Variants in PTPN22 observed in about 807,000 individuals in gnomAD.
PTPN22 encodes the protein tyrosine-protein phosphatase non-receptor type 22.
In PTPN22, 85 loss-of-function variants were observed where a neutral mutation model predicts 103.3. That is an observed-to-expected ratio of 0.82 (90% CI 0.69 to 0.99). The LOEUF is 0.99. PTPN22 is among the 50% of genes least tolerant of loss of function. The probability of loss-of-function intolerance (pLI) is 0.00; values close to 1 mark genes in which losing one functional copy is unlikely to be tolerated. For synonymous variants in PTPN22, 323 were observed against 310.2 expected (o/e 1.04, Z -0.43); for missense variants, 865 against 936.9 (o/e 0.92, Z 1.00).
At chr1:113,862,040 G>A (rs1305492186) in intron 1 of PTPN22, among the ~76,000 whole-genome samples, 1 of 152,000 alleles carries the variant, frequency 6.6e-6, no homozygotes, top group African/African-American at 2.4e-5. Context: ...CAGCACTTTG[G>A]GATGCCGAGG....
At chr1:113,856,223 G>A (rs1665054469) in intron 7 of PTPN22, among the ~76,000 whole-genome samples, 159 bp downstream of exon 7, 1 of 151,988 alleles carries the variant, frequency 6.6e-6, no homozygotes, top group Non-Finnish European at 1.5e-5. Context: ...TTGCCATGTC[G>A]GCCAGGCTCA....
rs997288495 is a variant in PTPN22, at chr1:113,834,780, T to C, written c.1894+130A>G. On this transcript the variant is annotated intron_variant, in intron 14 of 20. Coordinates refer to ENST00000359785, the Ensembl canonical transcript of PTPN22. Reference sequence around the variant, plus strand: ...CTCACTATGTTGCGCAGGCTAGTCTTGAACTCCTGGCCTCAATGAACTCCT... The same window carrying C: ...CTCACTATGTTGCGCAGGCTAGTCTCGAACTCCTGGCCTCAATGAACTCCT... The C allele has an allele frequency of 2.1e-5, 17 of 820,182 alleles. No homozygotes were observed. The African/African-American group carries it at 3.0e-4, about 15-fold the overall frequency. The allele number at this position is 820,182 out of a possible 1,614,324, so 50.8% of individuals were successfully genotyped here. A position where few individuals can be genotyped will look rare whatever the true frequency, so the allele number is the denominator to read the frequency against.
chr1:113,850,158 T>C lies in PTPN22; in HGVS notation c.829-1532A>G, dbSNP rs187671888. ...GTTGCAGTGAGCCAAGATCGCACCA[T>C]TGCACTCCAGCCTGAGTGACAGTGT... On this transcript the variant is annotated intron_variant, in intron 10 of 20. Transcript: ENST00000359785. Among the ~76,000 whole-genome samples, 17 of 140,588 alleles carry C rather than the reference T, an allele frequency of 1.2e-4. No individual in the cohort carries two copies. In the East Asian group the frequency reaches 3.3e-3, roughly 28 times the overall value. 92.2% of individuals were successfully genotyped at this position (140,588 alleles called of 152,430 possible).
chr1:113,858,378 T>C (rs1665259467), intron 4 of PTPN22, 100 bp downstream of exon 4: 2 of 779,244 alleles, frequency 2.6e-6, no homozygotes, highest in Admixed American at 2.9e-5. Flanking sequence ...TGATTCTGAC[T>C]AAAAGATGCC....
intron 4 of PTPN22, 99 bp downstream of exon 4, chr1:113,858,378 TA>T: frequency 1.3e-6 from 1 of 779,242 alleles, no homozygotes; most frequent in East Asian, 2.9e-5. Context: ...TGATTCTGAC[TA>T]AAAGATGCCT....
chr1:113,820,362 G>A (rs1661485776), intron 19 of PTPN22, among the ~76,000 whole-genome samples: 1 of 152,052 alleles, frequency 6.6e-6, no homozygotes, highest in South Asian at 2.1e-4. Context: ...GGAGGCTGAG[G>A]CACAAAAATT....
exon 1 of PTPN22, chr1:113,871,655 G>C (rs1034635533): frequency 6.3e-7 from 1 of 1,592,374 alleles, no homozygotes; most frequent in Non-Finnish European, 8.6e-7. Flanking sequence ...TCTATAAGTA[G>C]GTTGAGGGAG....
chr1:113,859,116 G>C, intron 2 of PTPN22, 38 bp from the exon 3 acceptor site: 2 of 1,606,088 alleles, frequency 1.2e-6, no homozygotes, highest in Non-Finnish European at 1.7e-6. Context: ...AATTAAGAGG[G>C]CTTAGTCAGC....
chr1:113,856,150 A>C (rs565281963), intron 7 of PTPN22, among the ~76,000 whole-genome samples: 1 of 152,244 alleles, frequency 6.6e-6, no homozygotes, highest in African/African-American at 2.4e-5. Flanking sequence ...GACTAGCTGG[A>C]ACCACAGGCA....
At chr1:113,829,554 G>T in intron 18 of PTPN22, 38 bp downstream of exon 18, 1 of 1,265,962 alleles carries the variant, frequency 7.9e-7, no homozygotes, top group Non-Finnish European at 1.1e-6. Flanking sequence ...GTAAGGGAAA[G>T]TTTCCGGCAT....
In PTPN22 at chr1:113,834,491, A is replaced by G. The variant is rs374414402; in HGVS notation, c.1895-52T>C. 775 of 1,541,118 alleles carry G rather than the reference A, an allele frequency of 5.0e-4. 1 individual carries two copies. Among genetic ancestry groups the G allele is most frequent in the Admixed American group, 9.2e-4 (54 of 58,642 alleles). ...TCTTAAGAATAGTATTCTTTTAGAC[A>G]TCAAATGTTGCTCAGCAAATAATAC... is the stretch of plus-strand genomic sequence containing the variant. On this transcript the variant is annotated intron_variant, in intron 14 of 20. Coordinates refer to ENST00000359785, the Ensembl canonical transcript of PTPN22.
intron 1 of PTPN22, among the ~76,000 whole-genome samples, chr1:113,861,932 G>A (rs915968169): frequency 2.0e-5 from 3 of 152,136 alleles, no homozygotes; most frequent in Non-Finnish European, 4.4e-5. Context: ...GTAGGGGTGT[G>A]AGTTCCCTAG....
At chr1:113,819,839 G>T (rs1022963266) in intron 19 of PTPN22, 185 bp from the exon 20 acceptor site, 5 of 362,878 alleles carry the variant, frequency 1.4e-5, no homozygotes, top group East Asian at 8.3e-5. Flanking sequence ...TGTATTTTTG[G>T]TTTTTTTCTT....
intron 1 of PTPN22, among the ~76,000 whole-genome samples, chr1:113,870,040 C>T (rs1458778593): frequency 6.6e-6 from 1 of 152,128 alleles, no homozygotes; most frequent in Non-Finnish European, 1.5e-5. Flanking sequence ...CTATCCGGTA[C>T]CAGAGTGTTA....
chr1:113,854,677 C>T, intron 8 of PTPN22, 140 bp from the exon 9 acceptor site: 1 of 1,005,832 alleles, frequency 9.9e-7, no homozygotes, highest in Non-Finnish European at 1.5e-6. Context: ...CCCACCATTT[C>T]CCAGAGCCCA....
In PTPN22 at chr1:113,834,474, A is replaced by G; in HGVS notation, c.1895-35T>C. Reference sequence around the variant, plus strand: ...AGTGAATATAGTTCGGTTCTTAAGAATAGTATTCTTTTAGACATCAAATGT... The same window carrying G: ...AGTGAATATAGTTCGGTTCTTAAGAGTAGTATTCTTTTAGACATCAAATGT... On this transcript the variant is annotated intron_variant, in intron 14 of 20. Coordinates refer to ENST00000359785, the Ensembl canonical transcript of PTPN22. 4 of 1,580,242 alleles carry G rather than the reference A, an allele frequency of 2.5e-6. No individual in the cohort carries two copies. The South Asian group carries it at 4.4e-5, about 18-fold the overall frequency.
At chr1:113,866,038 C>G (rs940261838) in intron 1 of PTPN22, among the ~76,000 whole-genome samples, 2 of 152,158 alleles carry the variant, frequency 1.3e-5, no homozygotes, top group Non-Finnish European at 1.5e-5. Context: ...CCACCACTTA[C>G]TAGCTATGTG....
chr1:113,827,229 T>G (rs1662159723), intron 18 of PTPN22, among the ~76,000 whole-genome samples: 1 of 152,178 alleles, frequency 6.6e-6, no homozygotes, highest in Admixed American at 6.5e-5. Flanking sequence ...CATTATTTAT[T>G]TGTAACATTT....
intron 11 of PTPN22, among the ~76,000 whole-genome samples, chr1:113,845,814 G>T (rs868184172): frequency 2.1e-4 from 32 of 152,106 alleles, no homozygotes; most frequent in Non-Finnish European, 1.5e-4. Context: ...CAATTTCATT[G>T]TTTGGTCTAT....
Sources: gnomAD v4.1 joint callset for allele counts (sites outside exome capture counted in the v4.1 genomes callset) on GRCh38, gnomAD v4.1.1 for gene constraint, MANE v1.5 for transcripts, NCBI Gene and HGNC (gene_info 2026-07-23, HGNC 2026-07-21) for gene names.